Variants in ZRANB3 observed in about 807,000 individuals in gnomAD.
ZRANB3 encodes zinc finger RANBP2-type containing 3, also known as DNA annealing helicase and endonuclease ZRANB3.
Under a neutral mutation model 133.8 loss-of-function variants are expected in ZRANB3, and 125 were observed. The observed-to-expected ratio is 0.93, with a 90% CI of 0.81 to 1.08. The LOEUF (loss-of-function observed/expected upper bound fraction) is 1.08. ZRANB3 is among the 50% of genes least tolerant of loss of function. The pLI, the probability that ZRANB3 is intolerant of heterozygous loss-of-function variation, is 0.00. For synonymous variants in ZRANB3, 387 were observed against 432.7 expected (o/e 0.89, Z 1.31); for missense variants, 1,229 against 1,275.5 (o/e 0.96, Z 0.56).
intron 18 of ZRANB3, among the ~76,000 whole-genome samples, chr2:135,208,374 G>A (rs916167160): frequency 6.6e-6 from 1 of 152,200 alleles, no homozygotes; most frequent in South Asian, 2.1e-4. Flanking sequence ...ATAGGTAAAC[G>A]CAGAGTGGAT....
At chr2:135,499,622 A>T (rs1321540531) in intron 2 of ZRANB3, among the ~76,000 whole-genome samples, 2 of 152,200 alleles carry the variant, frequency 1.3e-5, no homozygotes, top group Non-Finnish European at 2.9e-5. Flanking sequence ...ACTTATCATC[A>T]GAGAAATGTA....
intron 2 of ZRANB3, among the ~76,000 whole-genome samples, chr2:135,462,539 CCCTTCCTTCCTTTCTTTT>C (rs1227093496): frequency 2.0e-5 from 3 of 151,330 alleles, no homozygotes; most frequent in Admixed American, 6.6e-5. Context: ...TCCTTTCTTT[CCCTTCCTTCCTTTCTTTT>C]CCTTCCTTCC....
At chr2:135,377,105 A>G (rs1291979424) in intron 3 of ZRANB3, among the ~76,000 whole-genome samples, 3 of 152,220 alleles carry the variant, frequency 2.0e-5, no homozygotes, top group Non-Finnish European at 4.4e-5. Flanking sequence ...TATACTGGAA[A>G]TCAGCAATTA....
chr2:135,233,294 G>A (rs552886911), intron 12 of ZRANB3, among the ~76,000 whole-genome samples: 3 of 152,322 alleles, frequency 2.0e-5, no homozygotes, highest in Non-Finnish European at 4.4e-5. Context: ...GGGACCATGT[G>A]AAAAGATCAA....
At chr2:135,320,572 T>C (rs1225956574) in intron 6 of ZRANB3, among the ~76,000 whole-genome samples, 2 of 152,224 alleles carry the variant, frequency 1.3e-5, no homozygotes, top group Non-Finnish European at 2.9e-5. Context: ...AGAATAAACA[T>C]ACGCCTTTTA....
chr2:135,266,256 A>T (rs1191672754), intron 11 of ZRANB3, among the ~76,000 whole-genome samples: 2 of 152,162 alleles, frequency 1.3e-5, no homozygotes, highest in African/African-American at 4.8e-5. Context: ...GGCTGACAAA[A>T]CAGACTCTTT....
intron 8 of ZRANB3, among the ~76,000 whole-genome samples, chr2:135,281,185 A>G (rs1681087870): frequency 6.6e-6 from 1 of 152,162 alleles, no homozygotes; most frequent in South Asian, 2.1e-4. Flanking sequence ...AGTCTTGAGT[A>G]GTCTTCCCTA....
At chr2:135,410,882 G>A (rs959711424) in intron 2 of ZRANB3, among the ~76,000 whole-genome samples, 9 of 152,058 alleles carry the variant, frequency 5.9e-5, no homozygotes, top group South Asian at 2.1e-4. Flanking sequence ...ATCATTTGAC[G>A]AATGCAAACT....
At position 135,251,669 on chromosome 2, in the gene ZRANB3, A is replaced by G. The variant is rs571732527; in HGVS notation, c.1539+13865T>C. Among the ~76,000 whole-genome samples the G allele has an allele frequency of 2.2e-4, 33 of 152,304 alleles. No homozygotes were observed. In the South Asian group the frequency reaches 5.8e-3, roughly 27 times the overall value. On this transcript the variant is annotated intron_variant, in intron 12 of 20. Coordinates refer to ENST00000264159, the MANE Select transcript of ZRANB3 (RefSeq NM_032143.4). ...CTTCTCATTTTCTCTTGCCGCCAAC[A>G]TGTAAGAAGTGCCTTTCTCCTCCTG...
chr2:135,527,206 T>A (rs1694200852), intron 1 of ZRANB3, among the ~76,000 whole-genome samples: 1 of 152,074 alleles, frequency 6.6e-6, no homozygotes, highest in African/African-American at 2.4e-5. Flanking sequence ...TTGTCGACAA[T>A]CATCTGGCAC....
chr2:135,331,327 G>T (rs1684128863), intron 6 of ZRANB3, among the ~76,000 whole-genome samples: 1 of 152,126 alleles, frequency 6.6e-6, no homozygotes, highest in Non-Finnish European at 1.5e-5. Context: ...TTACCCACTA[G>T]TCATTCAGGA....
chr2:135,331,268 T>G (rs1413050819), intron 6 of ZRANB3, among the ~76,000 whole-genome samples: 1 of 152,210 alleles, frequency 6.6e-6, no homozygotes, highest in African/African-American at 2.4e-5. Context: ...TGTGCCTTTT[T>G]TCTCATTGGT....
intron 12 of ZRANB3, among the ~76,000 whole-genome samples, chr2:135,253,814 G>A (rs1028740556): frequency 2.0e-5 from 3 of 152,152 alleles, no homozygotes; most frequent in Non-Finnish European, 4.4e-5. Flanking sequence ...ACATTATTAT[G>A]TGGTGTATGA....
At chr2:135,324,055 C>T (rs980331013) in intron 6 of ZRANB3, among the ~76,000 whole-genome samples, 2 of 152,092 alleles carry the variant, frequency 1.3e-5, no homozygotes, top group East Asian at 1.9e-4. Flanking sequence ...AGGCATGAGC[C>T]ACTGTGTCTG....
intron 15 of ZRANB3, among the ~76,000 whole-genome samples, chr2:135,223,238 G>A (rs76650313): frequency 0.043 from 6,547 of 151,406 alleles, 478 homozygotes; most frequent in African/African-American, 0.15. Context: ...GCAACGGAGC[G>A]AGACTGTCCT....
intron 4 of ZRANB3, among the ~76,000 whole-genome samples, chr2:135,352,159 C>G (rs2104875593): frequency 6.6e-6 from 1 of 151,612 alleles, no homozygotes; most frequent in South Asian, 2.1e-4. Context: ...TGGTGAAACC[C>G]CATCTCTGCT....
chr2:135,487,121 T>C (rs1388802279), intron 2 of ZRANB3, among the ~76,000 whole-genome samples: 1 of 152,166 alleles, frequency 6.6e-6, no homozygotes, highest in African/African-American at 2.4e-5. Flanking sequence ...AAAACAACAT[T>C]CATCTTGTAT....
At chr2:135,202,670 G>A in intron 20 of ZRANB3, 162 bp downstream of exon 20, 1 of 757,122 alleles carries the variant, frequency 1.3e-6, no homozygotes, top group Non-Finnish European at 2.0e-6. Context: ...TGTGACACGG[G>A]CCTTGAGAGG....
At chr2:135,284,263 T>C (rs989330893) in intron 8 of ZRANB3, among the ~76,000 whole-genome samples, 3 of 152,238 alleles carry the variant, frequency 2.0e-5, no homozygotes, top group Admixed American at 6.5e-5. Context: ...CCATGAAATA[T>C]GCTTGGATTA....
Sources: allele counts gnomAD v4.1 joint callset (sites outside exome capture counted in the v4.1 genomes callset), GRCh38; gene constraint gnomAD v4.1.1; transcripts MANE v1.5; gene names NCBI Gene and HGNC (gene_info 2026-07-23, HGNC 2026-07-21).